ARID1B: variants seen among roughly 807,000 people sequenced by gnomAD.
The protein encoded by ARID1B is AT-rich interactive domain-containing protein 1B.
ARID1B carries 30 observed loss-of-function variants against 212.3 expected under a neutral mutation model. The ratio of observed to expected loss-of-function variants is 0.14; its 90% confidence interval spans 0.11 to 0.19. The LOEUF is 0.19. Among genes scored for constraint, ARID1B ranks in the 10% least tolerant of loss-of-function variants. The pLI, the probability that ARID1B is intolerant of heterozygous loss-of-function variation, is 1.00. For missense variants in ARID1B, 2,891 were observed against 3,204.0 expected (o/e 0.90, Z 2.36); for synonymous variants, 1,402 against 1,301.7 (o/e 1.08, Z -1.66).
intron 4 of ARID1B, among the ~76,000 whole-genome samples, chr6:156,965,130 C>G (rs1181338620): frequency 6.6e-6 from 1 of 152,192 alleles, no homozygotes; most frequent in Non-Finnish European, 1.5e-5. Flanking sequence ...GTTATTTCCT[C>G]TACTTTTCTT....
chr6:157,013,511 C>A (rs1422455103), intron 4 of ARID1B, among the ~76,000 whole-genome samples: 1 of 152,222 alleles, frequency 6.6e-6, no homozygotes, highest in Non-Finnish European at 1.5e-5. Context: ...TTCATCTCTA[C>A]TTCCTTGGGT....
rs1189779233 is a variant in ARID1B at position 157,084,785 on chromosome 6, T to C, written c.2371T>C (p.Ser791Pro). ...DQSNPAQSPF[S>P]PHASPHLSSI... Reference sequence around the variant, plus strand: ...GAGCAACCCGGCGCAGTCGCCTTTCTCCCCACATGCGTCCCCTCATCTCTC... The same window carrying C: ...GAGCAACCCGGCGCAGTCGCCTTTCCCCCCACATGCGTCCCCTCATCTCTC... Residue 791 changes from serine to proline, a missense_variant, in exon 5 of 20, where the codon TCC (serine) becomes CCC (proline). Around this residue, in one of 7 missense-constraint regions of ARID1B, gnomAD observed 1,643 missense variants for 1,544.0 expected, o/e 1.06. Transcript: ENST00000636930. 6.2e-7 allele frequency: 1 copy of C among 1,614,070 alleles called. No homozygotes were observed. The highest frequency in any genetic ancestry group is 8.5e-7 in the Non-Finnish European group (1 of 1,179,966).
intron 4 of ARID1B, among the ~76,000 whole-genome samples, chr6:156,957,452 C>G (rs1268252800): frequency 6.6e-6 from 1 of 152,090 alleles, no homozygotes; most frequent in African/African-American, 2.4e-5. Flanking sequence ...AGCAGAGTAG[C>G]AGGCCAAGTT....
intron 15 of ARID1B, among the ~76,000 whole-genome samples, chr6:157,192,644 A>G (rs954558268): frequency 6.6e-6 from 1 of 152,236 alleles, no homozygotes; most frequent in African/African-American, 2.4e-5. Flanking sequence ...AGGTTGAGCC[A>G]TCCTACTTTG....
chr6:156,853,732 C>T (rs894883360), intron 2 of ARID1B, among the ~76,000 whole-genome samples: 8 of 152,050 alleles, frequency 5.3e-5, no homozygotes, highest in African/African-American at 1.7e-4. Flanking sequence ...TGCCTCCATA[C>T]GTTTTGTTTT....
chr6:156,964,431 C>G (rs959288109), intron 4 of ARID1B, among the ~76,000 whole-genome samples: 1 of 152,194 alleles, frequency 6.6e-6, no homozygotes, highest in African/African-American at 2.4e-5. Flanking sequence ...CTAATTTCTT[C>G]TGGAAAAAAA....
intron 4 of ARID1B, among the ~76,000 whole-genome samples, chr6:157,074,807 T>C (rs1330997160): frequency 2.0e-5 from 3 of 152,122 alleles, no homozygotes; most frequent in Non-Finnish European, 4.4e-5. Flanking sequence ...GGGAACGTGC[T>C]CCAGGGAACA....
At chr6:157,123,123 G>T (rs1787860101) in intron 6 of ARID1B, among the ~76,000 whole-genome samples, 1 of 151,988 alleles carries the variant, frequency 6.6e-6, no homozygotes, top group South Asian at 2.1e-4. Flanking sequence ...CAGAAGTCAG[G>T]GCCCTTCTCC....
intron 3 of ARID1B, among the ~76,000 whole-genome samples, chr6:156,915,860 C>T (rs1254379110): frequency 6.6e-6 from 1 of 151,342 alleles, no homozygotes; most frequent in Non-Finnish European, 1.5e-5. Context: ...TGCACCACTG[C>T]ACTCCAGTCT....
intron 4 of ARID1B, among the ~76,000 whole-genome samples, chr6:157,015,232 G>C (rs911421568): frequency 2.6e-5 from 4 of 152,236 alleles, no homozygotes; most frequent in Admixed American, 2.6e-4. Flanking sequence ...GCAATACAAG[G>C]AGAAATGGAT....
intron 1 of ARID1B, among the ~76,000 whole-genome samples, chr6:156,810,159 A>G (rs1700825744): frequency 6.6e-6 from 1 of 152,200 alleles, no homozygotes; most frequent in Admixed American, 6.5e-5. Flanking sequence ...AGTTTAAACT[A>G]CTTATTTTCA....
At chr6:157,108,960 G>T (rs1786699073) in intron 5 of ARID1B, among the ~76,000 whole-genome samples, 1 of 152,132 alleles carries the variant, frequency 6.6e-6, no homozygotes, top group African/African-American at 2.4e-5. Context: ...AACAAGTTTT[G>T]CATTCTTCTC....
chr6:156,938,049 C>G (rs563923125), intron 4 of ARID1B: 6 of 151,962 alleles, frequency 3.9e-5, no homozygotes, highest in Admixed American at 3.9e-4. Context: ...GTAAGATAAC[C>G]TGCTACACCT....
At chr6:156,837,657 AGGAACTT>A (rs1783604767) in intron 2 of ARID1B, among the ~76,000 whole-genome samples, 1 of 152,260 alleles carries the variant, frequency 6.6e-6, no homozygotes. Context: ...AATTTTGAAA[AGGAACTT>A]TAAAAGTTAA....
At chr6:157,204,096 C>A in intron 19 of ARID1B, 100 bp downstream of exon 19, 1 of 1,438,390 alleles carries the variant, frequency 7.0e-7, no homozygotes, top group Non-Finnish European at 9.7e-7. Flanking sequence ...TGAGCACTGA[C>A]CGTCCAACAC....
chr6:157,078,836 TGA>T (rs1478235106), intron 4 of ARID1B, among the ~76,000 whole-genome samples: 3 of 152,328 alleles, frequency 2.0e-5, no homozygotes, highest in African/African-American at 7.2e-5. Context: ...CCCCTTAAAA[TGA>T]GAGTTACCCA....
chr6:157,036,060 C>T lies in ARID1B; in HGVS notation c.2248-48602C>T, dbSNP rs138466832. On this transcript the variant is annotated intron_variant, in intron 4 of 19. Transcript: ENST00000636930. ...GATATTGCCCACCCACCCCGTCTTC[C>T]TCTTTAAAAATACTCAGATGTGTTC... is the stretch of plus-strand genomic sequence containing the variant. Among the ~76,000 whole-genome samples the T allele has an allele frequency of 3.3e-5, 5 of 152,280 alleles. No individual in the cohort carries two copies. In the East Asian group the frequency reaches 9.6e-4, roughly 29 times the overall value.
intron 4 of ARID1B, among the ~76,000 whole-genome samples, chr6:156,957,772 C>T (rs1432884121): frequency 1.3e-5 from 2 of 152,140 alleles, no homozygotes; most frequent in African/African-American, 4.8e-5. Flanking sequence ...CTTTTCATGA[C>T]TCTCACTTTT....
In ARID1B at chr6:157,201,731, C is replaced by G. The variant is rs557342740; in HGVS notation, c.5263+243C>G. On this transcript the variant is annotated intron_variant, in intron 18 of 19. Transcript: ENST00000636930. The surrounding 1 kb of genome is among the most constrained non-coding windows in gnomAD (Gnocchi z 5.2). ...CCTGTAATACCAGCACTTTGGGAGGCCCAGGCGGGTGGATCACGAGGTCAC... is the reference window on the plus strand; with the variant it reads ...CCTGTAATACCAGCACTTTGGGAGGGCCAGGCGGGTGGATCACGAGGTCAC... Among the ~76,000 whole-genome samples, 5 of 152,248 alleles carry G rather than the reference C, an allele frequency of 3.3e-5. No homozygotes were observed. The highest frequency in any genetic ancestry group is 1.2e-4 in the African/African-American group (5 of 41,540).
Sources: gnomAD v4.1 joint callset for allele counts (sites outside exome capture counted in the v4.1 genomes callset) on GRCh38, gnomAD v4.1.1 for gene constraint, gnomAD v4.1.1 regional missense constraint, Gnocchi (gnomAD v3.1) non-coding constraint, MANE v1.5 for transcripts, NCBI Gene and HGNC (gene_info 2026-07-23, HGNC 2026-07-21) for gene names.